ARMC2: variants seen among roughly 807,000 people sequenced by gnomAD.
The protein encoded by ARMC2 is armadillo repeat-containing protein 2.
A neutral mutation model predicts 90.3 loss-of-function variants in ARMC2; 67 were observed. The observed-to-expected ratio is 0.74, with a 90% CI of 0.61 to 0.91. The LOEUF (loss-of-function observed/expected upper bound fraction) is 0.91. Ranked by LOEUF, ARMC2 falls within the 40% of genes least tolerant of loss-of-function variation. ARMC2 has a pLI of 0.00. For synonymous variants in ARMC2, 393 were observed against 393.0 expected (o/e 1.00, Z 0.00); for missense variants, 920 against 1,030.9 (o/e 0.89, Z 1.47).
intron 5 of ARMC2, among the ~76,000 whole-genome samples, chr6:108,888,602 T>C (rs1399348086): frequency 6.6e-6 from 1 of 152,212 alleles, no homozygotes; most frequent in Non-Finnish European, 1.5e-5. Context: ...CATAAGTCCA[T>C]CTATTCTTCC....
chr6:108,863,935 G>T (rs1775543808), intron 3 of ARMC2, among the ~76,000 whole-genome samples: 1 of 152,184 alleles, frequency 6.6e-6, no homozygotes, highest in African/African-American at 2.4e-5. Flanking sequence ...TAACAGCGTG[G>T]ATTAGTTTGA....
chr6:108,919,412 G>A (rs1388108660), intron 10 of ARMC2, among the ~76,000 whole-genome samples: 1 of 152,156 alleles, frequency 6.6e-6, no homozygotes, highest in Non-Finnish European at 1.5e-5. Context: ...AGGTAGCAGT[G>A]TCTACCAGTA....
intron 12 of ARMC2, among the ~76,000 whole-genome samples, chr6:108,940,519 A>C (rs533016450): frequency 2.0e-4 from 30 of 152,254 alleles, no homozygotes; most frequent in South Asian, 4.1e-4. Context: ...TAATCTTCTT[A>C]TTATACAAAT....
At chr6:108,932,961 C>T (rs1240773835) in intron 11 of ARMC2, among the ~76,000 whole-genome samples, 2 of 152,108 alleles carry the variant, frequency 1.3e-5, no homozygotes, top group Non-Finnish European at 2.9e-5. Context: ...TTTTGGTTAC[C>T]ATAGCCCTGT....
chr6:108,978,504 A>G (rs199648167), downstream of ARMC2, among the ~76,000 whole-genome samples: 2 of 152,192 alleles, frequency 1.3e-5, no homozygotes, highest in Non-Finnish European at 2.9e-5. Context: ...GTAGATGTCT[A>G]TTAGGTCCAC....
intron 6 of ARMC2, 94 bp downstream of exon 6, chr6:108,894,637 A>C: frequency 4.5e-6 from 5 of 1,115,302 alleles, no homozygotes; most frequent in Non-Finnish European, 5.0e-6. Context: ...TGGAAACTTA[A>C]GGAAGTTTGT....
chr6:109,005,971 A>T, the ARMC2 span, among the ~76,000 whole-genome samples: 11 of 152,312 alleles, frequency 7.2e-5, no homozygotes, highest in African/African-American at 2.6e-4. Flanking sequence ...GCACCCTAAC[A>T]CTAGTCAATG....
At chr6:108,988,654 C>T in the ARMC2 span, 7 of 1,610,484 alleles carry the variant, frequency 4.3e-6, no homozygotes, top group Non-Finnish European at 5.9e-6. Flanking sequence ...GATCCAATAG[C>T]TGGTTAATTT....
At chr6:109,023,085 C>T in the ARMC2 span, among the ~76,000 whole-genome samples, 5 of 152,274 alleles carry the variant, frequency 3.3e-5, no homozygotes, top group East Asian at 9.7e-4. Flanking sequence ...GTATCCCTCT[C>T]CAGCAAATCT....
chr6:108,910,325 A>G lies in ARMC2; in HGVS notation c.1024-574A>G, dbSNP rs181362245. 1.4e-3 allele frequency among the ~76,000 whole-genome samples: 218 copies of G among 152,256 alleles called. 4 individuals are homozygous for G. The highest frequency in any genetic ancestry group is 0.012 in the Admixed American group (184 of 15,280). On this transcript the variant is annotated intron_variant, in intron 8 of 17. Transcript: ENST00000392644. ...GAAAAAATTAGCCAGGCACAGTGGC[A>G]CAAGCCTATAGTCCCAGCTGCTCTG... is the stretch of plus-strand genomic sequence containing the variant.
At chr6:108,871,652 G>A (rs894210907) in intron 4 of ARMC2, among the ~76,000 whole-genome samples, 2 of 152,146 alleles carry the variant, frequency 1.3e-5, no homozygotes, top group African/African-American at 4.8e-5. Context: ...GGTACACACT[G>A]ATGTGAAAGT....
In ARMC2 at chr6:108,854,397, A is replaced by G; in HGVS notation, c.130A>G (p.Arg44Gly). The part of the protein sequence containing the change: ...RNALRTVRTQ[R>G]PFTPQEAQRK... ...TGCATTAAGAACAGTTAGAACCCAA[A>G]GACCATTTACACCACAGGAGGCTCA... is the stretch of plus-strand genomic sequence containing the variant. The change falls in exon 2 of 18, where the codon AGA (arginine) becomes GGA (glycine). Residue 44 changes from arginine (R) to glycine (G), a missense_variant. Physicochemically the swap from Arg to Gly is moderately radical, Grantham distance 125. Transcript: ENST00000392644. The G allele has an allele frequency of 6.2e-7, 1 of 1,613,458 alleles. No individual in the cohort carries two copies. The highest frequency in any genetic ancestry group is 1.3e-5 in the African/African-American group (1 of 74,862).
chr6:108,925,057 T>G lies in ARMC2; in HGVS notation c.1351-3031T>G, dbSNP rs191018688. Among the ~76,000 whole-genome samples the G allele has an allele frequency of 2.0e-5, 3 of 152,288 alleles. No homozygotes were observed. The East Asian group carries it at 5.8e-4, about 29-fold the overall frequency. ...CCCCTTCCAGAGAGTTCATTTTTCTTTCATCCGTTATTTTTTATTCTGTGA... is the reference window on the plus strand; with the variant it reads ...CCCCTTCCAGAGAGTTCATTTTTCTGTCATCCGTTATTTTTTATTCTGTGA... On this transcript the variant is annotated intron_variant, in intron 10 of 17. Coordinates refer to ENST00000392644, the MANE Select transcript of ARMC2 (RefSeq NM_032131.6).
chr6:109,052,956 ATAAAGTAATTGAAAGTTG>A, the ARMC2 span, among the ~76,000 whole-genome samples: 1 of 152,162 alleles, frequency 6.6e-6, no homozygotes, highest in East Asian at 1.9e-4. Context: ...CAAACAATCA[ATAAAGTAATTGAAAGTTG>A]TAAATGTTAG....
chr6:108,935,827 A>G (rs1775916500), intron 11 of ARMC2, among the ~76,000 whole-genome samples: 1 of 152,140 alleles, frequency 6.6e-6, no homozygotes, highest in Admixed American at 6.6e-5. Context: ...TTTGACCTAT[A>G]AGTTAGGTGT....
intron 5 of ARMC2, chr6:108,880,231 G>A (rs573220967): frequency 6.5e-6 from 2 of 307,820 alleles, no homozygotes; most frequent in Non-Finnish European, 1.3e-5. Context: ...TTCTCACATT[G>A]TGTAATAAAT....
intron 3 of ARMC2, among the ~76,000 whole-genome samples, chr6:108,868,341 T>C (rs1404602813): frequency 1.3e-5 from 2 of 152,104 alleles, no homozygotes; most frequent in African/African-American, 2.4e-5. Flanking sequence ...CTCAGCCTAC[T>C]GAGTAGCTGG....
chr6:108,866,346 A>T (rs1224239371), intron 3 of ARMC2, among the ~76,000 whole-genome samples: 1 of 152,244 alleles, frequency 6.6e-6, no homozygotes, highest in East Asian at 1.9e-4. Flanking sequence ...GGAGGCTAAA[A>T]AGTAAAGTGA....
At chr6:109,023,590 G>A in the ARMC2 span, among the ~76,000 whole-genome samples, 1 of 152,236 alleles carries the variant, frequency 6.6e-6, no homozygotes, top group African/African-American at 2.4e-5. Context: ...CAAGGATTTG[G>A]GGAAGTATGT....
Sources: gnomAD v4.1 joint callset for allele counts (sites outside exome capture counted in the v4.1 genomes callset) on GRCh38, gnomAD v4.1.1 for gene constraint, MANE v1.5 for transcripts, NCBI Gene and HGNC (gene_info 2026-07-23, HGNC 2026-07-21) for gene names.